Variants in BRD9 observed in about 807,000 individuals in gnomAD.
BRD9 encodes the protein bromodomain containing 9.
A neutral mutation model predicts 68.7 loss-of-function variants in BRD9; 47 were observed. The observed-to-expected ratio is 0.68, with a 90% CI of 0.54 to 0.87. The LOEUF (loss-of-function observed/expected upper bound fraction) is 0.87. Among genes scored for constraint, BRD9 ranks in the 40% least tolerant of loss-of-function variants. The pLI, the probability that BRD9 is intolerant of heterozygous loss-of-function variation, is 0.00. For missense variants in BRD9, 670 were observed against 748.4 expected (o/e 0.90, Z 1.22); for synonymous variants, 313 against 293.9 (o/e 1.06, Z -0.67).
intron 9 of BRD9, among the ~76,000 whole-genome samples, chr5:880,757 G>A (rs778052747): frequency 4.6e-5 from 7 of 152,230 alleles, no homozygotes; most frequent in Non-Finnish European, 1.0e-4. Context: ...GAGCAGGGTG[G>A]GCCAGCACTC....
At chr5:871,432 C>G in intron 13 of BRD9, 94 bp downstream of exon 13, 1 of 1,117,196 alleles carries the variant, frequency 9.0e-7, no homozygotes. Context: ...TTCTAAACGC[C>G]GTCATACACA....
rs16880430 is a variant in BRD9, at chr5:880,972, C to T, written c.1042+135G>A. 9,219 of 867,720 alleles carry T rather than the reference C, an allele frequency of 0.011. 493 individuals are homozygous for T. In the African/African-American group the frequency reaches 0.12, roughly 12 times the overall value. 53.8% of individuals were successfully genotyped at this position (867,720 alleles called of 1,614,324 possible). On this transcript the variant is annotated intron_variant, in intron 9 of 15. Coordinates refer to ENST00000467963, the MANE Select transcript of BRD9 (RefSeq NM_023924.5). Reference sequence around the variant, plus strand: ...TCAGCGCACGTGTCACGTTGGGGTGCGAGCAAGGTCGGGAAGCCGGGCAGC... The same window carrying T: ...TCAGCGCACGTGTCACGTTGGGGTGTGAGCAAGGTCGGGAAGCCGGGCAGC...
intron 8 of BRD9, chr5:883,028 G>A (rs926217514): frequency 4.2e-5 from 13 of 311,224 alleles, no homozygotes; most frequent in African/African-American, 2.6e-4. Flanking sequence ...CTCCCAACAC[G>A]CAAGCCATAC....
chr5:892,757 C>T lies in BRD9; in HGVS notation c.-100G>A, dbSNP rs1386056109. On this transcript the variant is annotated 5_prime_UTR_variant, in exon 1 of 16. Transcript: ENST00000467963. ...CCCTGGCCCTGGCTGGCCGCCCGCG[C>T]TCGCTGCGCCGAGGTTGCCGAGCTC... is the stretch of plus-strand genomic sequence containing the variant. The T allele has an allele frequency of 8.6e-7, 1 of 1,165,810 alleles. No homozygotes were observed. Among genetic ancestry groups the T allele is most frequent in the Non-Finnish European group, 1.1e-6 (1 of 928,898 alleles). 72.2% of individuals were successfully genotyped at this position (1,165,810 alleles called of 1,614,324 possible).
intron 14 of BRD9, among the ~76,000 whole-genome samples, chr5:867,350 T>G (rs1381080579): frequency 1.3e-5 from 2 of 152,210 alleles, no homozygotes; most frequent in Non-Finnish European, 2.9e-5. Context: ...AGGGGAAATG[T>G]GAGGTTGGAG....
Position 865,654 on chromosome 5 carries a change from T to G in BRD9, c.1526-73A>C. 3 of 1,470,712 alleles carry G rather than the reference T, an allele frequency of 2.0e-6. No homozygotes were observed. The South Asian group carries it at 3.8e-5, about 19-fold the overall frequency. 91.1% of individuals were successfully genotyped at this position (1,470,712 alleles called of 1,614,324 possible). Reference sequence around the variant, plus strand: ...GTCTACCCTAAGGGCAGGAGCACACTGCCCATCCAGACAGGCCTCTCTGCT... The same window carrying G: ...GTCTACCCTAAGGGCAGGAGCACACGGCCCATCCAGACAGGCCTCTCTGCT... On this transcript the variant is annotated intron_variant, in intron 14 of 15. Coordinates refer to ENST00000467963, the MANE Select transcript of BRD9 (RefSeq NM_023924.5).
intron 14 of BRD9, chr5:866,286 G>A (rs527395865): frequency 2.0e-5 from 3 of 152,216 alleles, no homozygotes; most frequent in South Asian, 4.1e-4. Flanking sequence ...ATCACCCAAC[G>A]GCATCAACTA....
At chr5:880,435 C>T (rs1275091052) in intron 9 of BRD9, among the ~76,000 whole-genome samples, 1 of 151,254 alleles carries the variant, frequency 6.6e-6, no homozygotes, top group Admixed American at 6.6e-5. Flanking sequence ...CGTTTCTATC[C>T]TTCACACACT....
At chr5:882,114 G>A (rs1474254629) in intron 8 of BRD9, 1 of 153,020 alleles carries the variant, frequency 6.5e-6, no homozygotes, top group Non-Finnish European at 1.5e-5. Flanking sequence ...CAGAACCCAG[G>A]TCCTGGCTTC....
At chr5:889,362 T>C (rs1753016062) in intron 4 of BRD9, among the ~76,000 whole-genome samples, 197 bp from the exon 5 acceptor site, 1 of 152,146 alleles carries the variant, frequency 6.6e-6, no homozygotes, top group African/African-American at 2.4e-5. Context: ...CGGCCATCAA[T>C]GTCCCAGCTC....
intron 2 of BRD9, 87 bp from the exon 3 acceptor site, chr5:891,374 A>G: frequency 6.7e-7 from 1 of 1,488,762 alleles, no homozygotes; most frequent in Non-Finnish European, 9.0e-7. Context: ...TTCTCAGGGG[A>G]GGGACAGAAC....
At chr5:873,300 G>A (rs1185565195) in intron 12 of BRD9, among the ~76,000 whole-genome samples, 8 of 152,178 alleles carry the variant, frequency 5.3e-5, no homozygotes, top group Non-Finnish European at 1.0e-4. Flanking sequence ...CTCAGATAAG[G>A]AGAAACTGAA....
chr5:891,389 G>C, intron 2 of BRD9, 102 bp from the exon 3 acceptor site: 1 of 1,458,200 alleles, frequency 6.9e-7, no homozygotes, highest in Middle Eastern at 2.3e-4. Context: ...CAGAACTAAG[G>C]GAAACCCCCT....
intron 7 of BRD9, among the ~76,000 whole-genome samples, chr5:884,546 C>T (rs1039802377): frequency 1.3e-5 from 2 of 152,254 alleles, no homozygotes; most frequent in African/African-American, 4.8e-5. Context: ...GCACAAAGAA[C>T]ACACAAGGAC....
At chr5:864,632 T>C in intron 15 of BRD9, 64 bp from the exon 16 acceptor site, 1 of 1,447,096 alleles carries the variant, frequency 6.9e-7, no homozygotes, top group Non-Finnish European at 9.6e-7. Context: ...GTGGGGCTCC[T>C]GGAGCCCAAG....
At chr5:877,300 G>A (rs1751095847) in intron 11 of BRD9, among the ~76,000 whole-genome samples, 1 of 152,206 alleles carries the variant, frequency 6.6e-6, no homozygotes, top group Non-Finnish European at 1.5e-5. Flanking sequence ...TGGCGGGAGG[G>A]TGGGGAGCAA....
intron 14 of BRD9, among the ~76,000 whole-genome samples, chr5:867,638 C>T (rs1383820913): frequency 6.6e-6 from 1 of 152,274 alleles, no homozygotes; most frequent in Non-Finnish European, 1.5e-5. Flanking sequence ...TTCGGGGCCT[C>T]AAGATGTAAT....
intron 11 of BRD9, among the ~76,000 whole-genome samples, chr5:878,052 G>C (rs1751226679): frequency 6.6e-6 from 1 of 152,202 alleles, no homozygotes; most frequent in Non-Finnish European, 1.5e-5. Context: ...TGTCACTGCA[G>C]CCTGAGCTAG....
intron 6 of BRD9, 107 bp from the exon 7 acceptor site, chr5:886,814 A>T: frequency 6.3e-7 from 1 of 1,576,800 alleles, no homozygotes; most frequent in Non-Finnish European, 8.6e-7. Context: ...TCTCCCTCAC[A>T]GCCAGGGTGC....
Sources: gnomAD v4.1 joint callset for allele counts (sites outside exome capture counted in the v4.1 genomes callset) on GRCh38, gnomAD v4.1.1 for gene constraint, MANE v1.5 for transcripts, NCBI Gene and HGNC (gene_info 2026-07-23, HGNC 2026-07-21) for gene names.